Variants in TRDN observed in about 807,000 individuals in gnomAD.
TRDN encodes the protein triadin in skeletal muscle.
Under a neutral mutation model 149.7 loss-of-function variants are expected in TRDN, and 161 were observed. The ratio of observed to expected loss-of-function variants is 1.08; its 90% confidence interval spans 0.95 to 1.23. The LOEUF is 1.23. Ranked by LOEUF, TRDN falls within the 50% of genes most tolerant of loss-of-function variation. The pLI, the probability that TRDN is intolerant of heterozygous loss-of-function variation, is 0.00. For synonymous variants in TRDN, 294 were observed against 250.5 expected, an observed-to-expected ratio of 1.17 and a Z score of -1.64; for missense variants, 896 against 823.5, an observed-to-expected ratio of 1.09 and a Z score of -1.08.
intron 9 of TRDN, among the ~76,000 whole-genome samples, chr6:123,485,130 T>C (rs562088771): frequency 1.3e-5 from 2 of 152,286 alleles, no homozygotes; most frequent in African/African-American, 4.8e-5. Flanking sequence ...GTATGGCAAG[T>C]CCAGGAACTG....
At chr6:123,273,946 C>T (rs568237595) in intron 27 of TRDN, among the ~76,000 whole-genome samples, 2 of 152,054 alleles carry the variant, frequency 1.3e-5, no homozygotes, top group South Asian at 4.1e-4. Context: ...TAGGTCAATG[C>T]TACCTTCTAA....
chr6:123,433,967 C>A (rs974498845), intron 12 of TRDN: 3 of 152,102 alleles, frequency 2.0e-5, no homozygotes, highest in Non-Finnish European at 4.4e-5. Flanking sequence ...AAAAATATCA[C>A]CTTGTGGTGG....
At chr6:123,361,103 TAGGATTGCCGTGTCAAAC>T (rs1780882794) in intron 20 of TRDN, among the ~76,000 whole-genome samples, 1 of 152,102 alleles carries the variant, frequency 6.6e-6, no homozygotes, top group South Asian at 2.1e-4. Context: ...TACCCAGTAA[TAGGATTGCCGTGTCAAAC>T]AGTATTTCTG....
At chr6:123,332,960 G>A (rs1272314255) in intron 22 of TRDN, among the ~76,000 whole-genome samples, 5 of 151,976 alleles carry the variant, frequency 3.3e-5, no homozygotes, top group Non-Finnish European at 5.9e-5. Flanking sequence ...ATATCCATAA[G>A]CATGTAGAAT....
intron 1 of TRDN, among the ~76,000 whole-genome samples, chr6:123,622,307 A>G (rs967502031): frequency 7.4e-6 from 1 of 135,222 alleles, no homozygotes; most frequent in Non-Finnish European, 1.5e-5. Context: ...CTCTCTCTAT[A>G]TATATATACA....
intron 9 of TRDN, among the ~76,000 whole-genome samples, chr6:123,487,153 CA>C (rs1280237589): frequency 2.7e-5 from 4 of 149,710 alleles, no homozygotes; most frequent in East Asian, 2.0e-4. Context: ...ACCAGAAATA[CA>C]AAAAAAAAGG....
chr6:123,573,320 C>A (rs1782671384), intron 1 of TRDN, among the ~76,000 whole-genome samples: 1 of 152,022 alleles, frequency 6.6e-6, no homozygotes, highest in Admixed American at 6.6e-5. Context: ...TTTCCTGGTA[C>A]ATGGTAGTCA....
chr6:123,229,036 A>G (rs980855438), intron 38 of TRDN, among the ~76,000 whole-genome samples: 2 of 151,942 alleles, frequency 1.3e-5, no homozygotes, highest in African/African-American at 4.8e-5. Context: ...AGCTACAGTT[A>G]TTTCTAACAT....
chr6:123,434,460 A>T, intron 12 of TRDN, among the ~76,000 whole-genome samples: 1 of 152,140 alleles, frequency 6.6e-6, no homozygotes, highest in East Asian at 1.9e-4. Context: ...TGTGGTTGTG[A>T]GAAGACAGTG....
At chr6:123,326,495 A>G (rs184434703) in intron 23 of TRDN, among the ~76,000 whole-genome samples, 1 of 151,760 alleles carries the variant, frequency 6.6e-6, no homozygotes, top group Non-Finnish European at 1.5e-5. Flanking sequence ...AAATATTATC[A>G]GGTCCATGAC....
chr6:123,545,694 A>AT (rs35734746), intron 4 of TRDN, among the ~76,000 whole-genome samples: 1 of 151,978 alleles, frequency 6.6e-6, no homozygotes, highest in Non-Finnish European at 1.5e-5. Context: ...CCCTTAGACT[A>AT]TTTTTGACTA....
chr6:123,354,535 A>C (rs1297179443), intron 20 of TRDN, among the ~76,000 whole-genome samples: 1 of 151,888 alleles, frequency 6.6e-6, no homozygotes, highest in Non-Finnish European at 1.5e-5. Flanking sequence ...AAATAAAGAA[A>C]ATTTCTATAA....
intron 21 of TRDN, chr6:123,349,452 A>C: frequency 1.2e-6 from 1 of 837,370 alleles, no homozygotes; most frequent in African/African-American, 1.8e-5. Context: ...GTATTGTCAA[A>C]AAGTTTAGAA....
chr6:123,299,776 A>G (rs1270726698), intron 24 of TRDN, among the ~76,000 whole-genome samples: 3 of 152,112 alleles, frequency 2.0e-5, no homozygotes, highest in African/African-American at 2.4e-5. Context: ...AAAACTAGTT[A>G]ATACATTGAG....
At chr6:123,557,553 C>T (rs749143957) in intron 2 of TRDN, among the ~76,000 whole-genome samples, 13 of 152,200 alleles carry the variant, frequency 8.5e-5, no homozygotes, top group South Asian at 4.2e-4. Context: ...ACAAAGGAGA[C>T]GCATTTTATC....
chr6:123,252,443 G>A lies in TRDN; in HGVS notation c.1952-8C>T, dbSNP rs188767077. On this transcript the variant is annotated splice_region_variant and splice_polypyrimidine_tract_variant and intron_variant, in intron 37 of 40. Coordinates refer to ENST00000334268, the MANE Select transcript of TRDN (RefSeq NM_006073.4). ...CTCTTGCAGGTTTTTCTGCTAAAAA[G>A]AGAAAATAAATAAGTTTTGTTTAAC... 150 of 1,494,092 alleles carry A rather than the reference G, an allele frequency of 1.0e-4. No homozygotes were observed. The highest frequency in any genetic ancestry group is 1.3e-4 in the Non-Finnish European group (139 of 1,093,354). The allele number at this position is 1,494,092 out of a possible 1,614,324, so 92.6% of individuals were successfully genotyped here.
intron 38 of TRDN, among the ~76,000 whole-genome samples, chr6:123,240,675 A>G (rs1200795551): frequency 3.9e-5 from 6 of 152,068 alleles, no homozygotes; most frequent in South Asian, 4.1e-4. Context: ...CTCATTTTGT[A>G]AAGTTAAGCA....
intron 4 of TRDN, among the ~76,000 whole-genome samples, chr6:123,531,789 T>C (rs1233708043): frequency 6.6e-6 from 1 of 152,072 alleles, no homozygotes; most frequent in Non-Finnish European, 1.5e-5. Context: ...TTCTCTAGTC[T>C]CCAAATTTTA....
At chr6:123,425,667 AG>A (rs1430296468) in intron 12 of TRDN, among the ~76,000 whole-genome samples, 1 of 152,072 alleles carries the variant, frequency 6.6e-6, no homozygotes, top group Non-Finnish European at 1.5e-5. Context: ...GCTCTTGAGA[AG>A]GAGTTCACCT....
Sources: allele counts gnomAD v4.1 joint callset (sites outside exome capture counted in the v4.1 genomes callset), GRCh38; gene constraint gnomAD v4.1.1; transcripts MANE v1.5; gene names NCBI Gene and HGNC (gene_info 2026-07-23, HGNC 2026-07-21).